Variants in ENDOV observed in about 807,000 individuals in gnomAD.
ENDOV encodes the protein endonuclease V, also known as hEndoV.
A neutral mutation model predicts 39.4 loss-of-function variants in ENDOV; 37 were observed. That is an observed-to-expected ratio of 0.94 (90% CI 0.72 to 1.23). The LOEUF (loss-of-function observed/expected upper bound fraction) is 1.23. Among genes scored for constraint, ENDOV ranks in the 50% most tolerant of loss-of-function variants. The probability of loss-of-function intolerance (pLI) is 0.00; values close to 1 mark genes in which losing one functional copy is unlikely to be tolerated. For missense variants in ENDOV, 441 were observed against 375.7 expected (o/e 1.17, Z -1.44); for synonymous variants, 186 against 163.4 (o/e 1.14, Z -1.05).
chr17:80,419,515 C>G, intron 2 of ENDOV: 1 of 690,460 alleles, frequency 1.4e-6, no homozygotes, highest in South Asian at 1.5e-5. Context: ...GTGCTGGACG[C>G]TGAGCAATGG....
At chr17:80,421,706 G>C (rs2082054099) in intron 2 of ENDOV, 122 bp from the exon 3 acceptor site, 1 of 1,296,408 alleles carries the variant, frequency 7.7e-7, no homozygotes, top group Non-Finnish European at 1.1e-6. Flanking sequence ...AGGCAGGGAA[G>C]GGGAGCCATG....
chr17:80,429,457 G>A (rs2083138309), intron 8 of ENDOV, among the ~76,000 whole-genome samples: 2 of 152,230 alleles, frequency 1.3e-5, no homozygotes, highest in Non-Finnish European at 1.5e-5. Flanking sequence ...CCCACGATTA[G>A]TTACTGAAGG....
At chr17:80,431,050 C>T (rs2083301114) in intron 9 of ENDOV, among the ~76,000 whole-genome samples, 1 of 152,224 alleles carries the variant, frequency 6.6e-6, no homozygotes, top group African/African-American at 2.4e-5. Flanking sequence ...CTGGAATCTG[C>T]CACAGAGCAT....
At chr17:80,422,653 C>G (rs929240755) in intron 4 of ENDOV, among the ~76,000 whole-genome samples, 1 of 152,228 alleles carries the variant, frequency 6.6e-6, no homozygotes, top group Non-Finnish European at 1.5e-5. Context: ...GTACCCAGGC[C>G]CCCACTGATG....
intron 7 of ENDOV, chr17:80,427,630 G>T: frequency 8.5e-7 from 1 of 1,178,016 alleles, no homozygotes. Flanking sequence ...TCTGTCTCTC[G>T]GTCCATTTTC....
intron 2 of ENDOV, chr17:80,420,020 A>G (rs2081780768): frequency 3.5e-6 from 1 of 289,602 alleles, no homozygotes; most frequent in Admixed American, 4.6e-5. Flanking sequence ...GGAAAAGGAT[A>G]CGTTGGACAC....
At chr17:80,419,825 CCTAA>C (rs1342362829) in intron 2 of ENDOV, 8 of 621,044 alleles carry the variant, frequency 1.3e-5, no homozygotes, top group Middle Eastern at 2.7e-4. Context: ...AGTCCCTAGA[CCTAA>C]CTGTCACCCA....
chr17:80,419,731 C>T, intron 2 of ENDOV: 1 of 697,710 alleles, frequency 1.4e-6, no homozygotes, highest in South Asian at 1.5e-5. Context: ...GTCAGTGGCC[C>T]TCTGGTCATG....
At chr17:80,434,779 C>G (rs1179167573) in intron 9 of ENDOV, among the ~76,000 whole-genome samples, 1 of 152,140 alleles carries the variant, frequency 6.6e-6, no homozygotes, top group African/African-American at 2.4e-5. Context: ...GACCTCATCT[C>G]TACAGAAAAC....
At position 80,421,967 on chromosome 17, in the gene ENDOV, G is replaced by T. The variant is rs377453834; in HGVS notation, c.363+5G>T. On this transcript the variant is annotated splice_donor_5th_base_variant and intron_variant, in intron 3 of 9. Transcript: ENST00000518137. ...GAGCCGGGCCTCATGCCCCAGGCAG[G>T]TGTCTCATCCCTAGGACGAGAGAAA... is the stretch of plus-strand genomic sequence containing the variant. The T allele has an allele frequency of 9.3e-6, 15 of 1,607,398 alleles. No homozygotes were observed. In the African/African-American group the frequency reaches 1.7e-4, roughly 19 times the overall value.
At chr17:80,431,903 T>C (rs988772070) in intron 9 of ENDOV, among the ~76,000 whole-genome samples, 1 of 151,334 alleles carries the variant, frequency 6.6e-6, no homozygotes, top group Admixed American at 6.6e-5. Context: ...CCCCAGAGAG[T>C]CCTTGGGGTG....
chr17:80,433,159 T>C (rs762544906), intron 9 of ENDOV: 11 of 520,012 alleles, frequency 2.1e-5, no homozygotes, highest in Non-Finnish European at 3.5e-5. Context: ...AAGCACAGTG[T>C]GGAAGCTGGG....
At position 80,436,424 on chromosome 17, in the gene ENDOV, T is replaced by G. The variant is rs904766986; in HGVS notation, c.*281T>G. ...AGCTGTTAGATTTTCAAGGATGCTCTTCATCCAGCTGAAGACGGTCCCTTC... is the reference window on the plus strand; with the variant it reads ...AGCTGTTAGATTTTCAAGGATGCTCGTCATCCAGCTGAAGACGGTCCCTTC... On this transcript the variant is annotated 3_prime_UTR_variant, in exon 10 of 10. Transcript: ENST00000518137. 8 of 1,311,834 alleles carry G rather than the reference T, an allele frequency of 6.1e-6. No homozygotes were observed. The Admixed American group carries it at 1.9e-4, about 31-fold the overall frequency. The allele number at this position is 1,311,834 out of a possible 1,614,324, so 81.3% of individuals were successfully genotyped here. A position where few individuals can be genotyped will look rare whatever the true frequency, so the allele number is the denominator to read the frequency against.
intron 5 of ENDOV, 118 bp downstream of exon 5, chr17:80,423,750 C>A: frequency 1.0e-6 from 1 of 958,480 alleles, no homozygotes; most frequent in Non-Finnish European, 1.5e-6. Flanking sequence ...CTCCTCATCC[C>A]TGGCTTGTGG....
chr17:80,424,177 C>T (rs1256094707), intron 5 of ENDOV: 2 of 399,322 alleles, frequency 5.0e-6, no homozygotes, highest in African/African-American at 4.1e-5. Context: ...ACACCCCCAG[C>T]TGTTTCACTG....
chr17:80,424,351 G>A (rs1275403362), intron 5 of ENDOV: 3 of 399,920 alleles, frequency 7.5e-6, no homozygotes, highest in Admixed American at 4.3e-5. Context: ...GTTGAGCTGT[G>A]TCAGATGTGC....
chr17:80,424,324 G>A (rs935099759), intron 5 of ENDOV: 7 of 399,272 alleles, frequency 1.8e-5, no homozygotes, highest in African/African-American at 4.1e-5. Context: ...GTCCACCGCC[G>A]CCAGAAATAC....
At chr17:80,434,573 G>T (rs910789519) in intron 9 of ENDOV, among the ~76,000 whole-genome samples, 2 of 152,122 alleles carry the variant, frequency 1.3e-5, no homozygotes, top group East Asian at 3.8e-4. Context: ...ATGCCCAAGG[G>T]TTCCAGGTTC....
At chr17:80,430,735 G>A (rs1330165469) in intron 9 of ENDOV, among the ~76,000 whole-genome samples, 8 of 152,298 alleles carry the variant, frequency 5.3e-5, no homozygotes, top group Non-Finnish European at 1.0e-4. Flanking sequence ...CTCTGTGCCC[G>A]GCGGGGGCTA....
Sources: allele counts gnomAD v4.1 joint callset (sites outside exome capture counted in the v4.1 genomes callset), GRCh38; gene constraint gnomAD v4.1.1; transcripts MANE v1.5; gene names NCBI Gene and HGNC (gene_info 2026-07-23, HGNC 2026-07-21).